Variants in PHF24 observed in about 807,000 individuals in gnomAD.
The protein encoded by PHF24 is Galpha inhibitory interacting protein.
In PHF24, 25 loss-of-function variants were observed where a neutral mutation model predicts 42.6. That is an observed-to-expected ratio of 0.59 (90% CI 0.43 to 0.82). The LOEUF (loss-of-function observed/expected upper bound fraction) is 0.82, where lower values mean the gene tolerates loss of function less well. PHF24 is among the 40% of genes least tolerant of loss of function. PHF24 has a pLI of 0.00. For missense variants in PHF24, 470 were observed against 538.1 expected (o/e 0.87, Z 1.25); for synonymous variants, 185 against 204.8 (o/e 0.90, Z 0.83).
At chr9:34,976,341 A>G (rs1587479998) in intron 4 of PHF24, 111 bp downstream of exon 4, 4 of 1,050,586 alleles carry the variant, frequency 3.8e-6, no homozygotes, top group East Asian at 4.8e-5. Context: ...GTAGAGGGTA[A>G]ATGAGTCCTT....
chr9:34,773,899 G>A, the PHF24 span, among the ~76,000 whole-genome samples: 1 of 152,174 alleles, frequency 6.6e-6, no homozygotes, highest in Non-Finnish European at 1.5e-5. Flanking sequence ...GGTCCTGGAT[G>A]GGATCCAGGG....
the PHF24 span, among the ~76,000 whole-genome samples, chr9:34,928,007 C>T: frequency 6.6e-6 from 1 of 151,958 alleles, no homozygotes; most frequent in Non-Finnish European, 1.5e-5. Context: ...TTAATAAGAT[C>T]TACCTTTGGA....
chr9:34,926,558 C>G, the PHF24 span, among the ~76,000 whole-genome samples: 1 of 152,060 alleles, frequency 6.6e-6, no homozygotes, highest in African/African-American at 2.4e-5. This position sits in a 1 kb window ranked among gnomAD's most constrained non-coding sequence, Gnocchi z 4.3. Context: ...TTTTGTAGGT[C>G]TGAGATGTAA....
intron 5 of PHF24, 36 bp downstream of exon 5, chr9:34,976,776 TG>T (rs879043529): frequency 6.3e-7 from 1 of 1,586,810 alleles, no homozygotes. Flanking sequence ...CCTGGGATAC[TG>T]GGTGACAAGG....
the PHF24 span, among the ~76,000 whole-genome samples, chr9:34,851,167 T>G: frequency 1.3e-5 from 2 of 152,180 alleles, no homozygotes; most frequent in Non-Finnish European, 2.9e-5. Context: ...CAGAGGTTAC[T>G]GCTGTCTTTT....
At chr9:34,897,224 A>T in the PHF24 span, among the ~76,000 whole-genome samples, 1 of 152,212 alleles carries the variant, frequency 6.6e-6, no homozygotes, top group Non-Finnish European at 1.5e-5. Context: ...CCTCCACCAG[A>T]CAGGAATAGT....
chr9:34,953,783 A>C (rs1826310808), upstream of PHF24, among the ~76,000 whole-genome samples: 1 of 152,054 alleles, frequency 6.6e-6, no homozygotes, highest in Non-Finnish European at 1.5e-5. This position sits in a 1 kb window ranked among gnomAD's most constrained non-coding sequence, Gnocchi z 4.1. Context: ...ATCTCTACAA[A>C]AAATATATAT....
chr9:34,683,739 AT>A, the PHF24 span, among the ~76,000 whole-genome samples: 1 of 152,216 alleles, frequency 6.6e-6, no homozygotes, highest in Non-Finnish European at 1.5e-5. Flanking sequence ...CTGTTTTTCA[AT>A]TCCTGAAATA....
At chr9:34,724,968 G>A in the PHF24 span, 2 of 1,551,830 alleles carry the variant, frequency 1.3e-6, no homozygotes, top group Non-Finnish European at 1.7e-6. Flanking sequence ...AGCTTAGGGT[G>A]TTCAGTGACA....
At chr9:34,801,723 T>G in the PHF24 span, among the ~76,000 whole-genome samples, 2 of 150,844 alleles carry the variant, frequency 1.3e-5, no homozygotes, top group Admixed American at 1.3e-4. Context: ...TGAGACTCCA[T>G]CTCAAAAAAA....
the PHF24 span, among the ~76,000 whole-genome samples, chr9:34,859,816 C>T: frequency 6.6e-6 from 1 of 152,150 alleles, no homozygotes; most frequent in African/African-American, 2.4e-5. Flanking sequence ...ATGTTTTCTA[C>T]TCTTGCTGTT....
chr9:34,890,837 G>A, the PHF24 span, among the ~76,000 whole-genome samples: 4 of 152,300 alleles, frequency 2.6e-5, no homozygotes, highest in Non-Finnish European at 4.4e-5. Flanking sequence ...GTGAGGATCT[G>A]TCTGCCTCTC....
At chr9:34,782,144 A>G in the PHF24 span, among the ~76,000 whole-genome samples, 56 of 152,324 alleles carry the variant, frequency 3.7e-4, no homozygotes, top group Middle Eastern at 6.8e-3. Flanking sequence ...GCTGGGTTAC[A>G]AAACTCACTG....
the PHF24 span, among the ~76,000 whole-genome samples, chr9:34,700,544 G>T: frequency 6.6e-6 from 1 of 152,192 alleles, no homozygotes; most frequent in Non-Finnish European, 1.5e-5. Context: ...TTGAAGAGGA[G>T]TGGGTTTGTG....
At chr9:34,835,605 C>T in the PHF24 span, 11 of 1,551,776 alleles carry the variant, frequency 7.1e-6, no homozygotes, top group East Asian at 2.7e-4. Context: ...CCTCCTGGTT[C>T]AGTGGAGCCC....
At chr9:34,968,428 C>T (rs919344026) in intron 1 of PHF24, among the ~76,000 whole-genome samples, 1 of 152,240 alleles carries the variant, frequency 6.6e-6, no homozygotes, top group African/African-American at 2.4e-5. Flanking sequence ...ATCTCCTGTG[C>T]CACTGCCCTT....
chr9:34,966,306 G>T (rs1826765186), intron 1 of PHF24, among the ~76,000 whole-genome samples: 1 of 152,112 alleles, frequency 6.6e-6, no homozygotes, highest in African/African-American at 2.4e-5. Context: ...ATTAAATCAA[G>T]CTGGGCACTC....
At chr9:34,687,715 A>C in the PHF24 span, among the ~76,000 whole-genome samples, 1 of 152,274 alleles carries the variant, frequency 6.6e-6, no homozygotes. Context: ...TGGCAGGCTG[A>C]CTTCCTCTAA....
At chr9:34,824,182 C>T in the PHF24 span, among the ~76,000 whole-genome samples, 5 of 152,174 alleles carry the variant, frequency 3.3e-5, no homozygotes, top group South Asian at 2.1e-4. Flanking sequence ...AGTTCTGCAA[C>T]AGAATTTGGA....
Sources: gnomAD v4.1 joint callset for allele counts (sites outside exome capture counted in the v4.1 genomes callset) on GRCh38, gnomAD v4.1.1 for gene constraint, Gnocchi (gnomAD v3.1) non-coding constraint, MANE v1.5 for transcripts, NCBI Gene and HGNC (gene_info 2026-07-23, HGNC 2026-07-21) for gene names.